The following ENTHD1 variants were observed in gnomAD, a reference collection of about 807,000 sequenced individuals.
ENTHD1 encodes the protein ENTH domain-containing protein 1.
In ENTHD1, 23 loss-of-function variants were observed where a neutral mutation model predicts 39.1. The ratio of observed to expected loss-of-function variants is 0.59; its 90% CI spans 0.42 to 0.83. ENTHD1 has a LOEUF of 0.83. ENTHD1 is among the 40% of genes least tolerant of loss of function. The pLI is 0.00. For missense variants in ENTHD1, 624 were observed against 705.4 expected (o/e 0.88, Z 1.31); for synonymous variants, 230 against 258.2 (o/e 0.89, Z 1.05).
At chr22:39,891,003 CTG>C (rs1213137041) in intron 1 of ENTHD1, among the ~76,000 whole-genome samples, 2 of 152,184 alleles carry the variant, frequency 1.3e-5, no homozygotes, top group African/African-American at 4.8e-5. Flanking sequence ...CATCAAATAA[CTG>C]TGAGATTGTA....
intron 4 of ENTHD1, among the ~76,000 whole-genome samples, chr22:39,824,697 C>T (rs754387525): frequency 3.9e-5 from 6 of 152,126 alleles, no homozygotes; most frequent in Non-Finnish European, 7.4e-5. Flanking sequence ...ATTTCCTTTG[C>T]ACCTTTGTCA....
chr22:39,778,716 C>A (rs1354248377), intron 5 of ENTHD1, among the ~76,000 whole-genome samples: 1 of 152,152 alleles, frequency 6.6e-6, no homozygotes, highest in African/African-American at 2.4e-5. Flanking sequence ...TTGTATGGTC[C>A]TTGTTCTTAC....
chr22:39,768,431 C>T lies in ENTHD1; in HGVS notation c.833-2822G>A, dbSNP rs566512765. Among the ~76,000 whole-genome samples the T allele has an allele frequency of 5.8e-4, 88 of 152,266 alleles. 4 individuals carry two copies. In the South Asian group the frequency reaches 0.018, roughly 31 times the overall value. On this transcript the variant is annotated intron_variant, in intron 5 of 6. Coordinates refer to ENST00000325157, the MANE Select transcript of ENTHD1 (RefSeq NM_152512.4). ...AACACAGGGCTCTTGACCATCACCA[C>T]TGATTCCCCATCCTGGAATACCCTC...
At chr22:39,830,206 G>A (rs1245600007) in intron 4 of ENTHD1, among the ~76,000 whole-genome samples, 2 of 152,138 alleles carry the variant, frequency 1.3e-5, no homozygotes, top group African/African-American at 4.8e-5. Flanking sequence ...CTCCCAAGTA[G>A]CTGGGATTAC....
chr22:39,811,954 G>A (rs2065689944), intron 5 of ENTHD1, among the ~76,000 whole-genome samples: 1 of 151,854 alleles, frequency 6.6e-6, no homozygotes, highest in Non-Finnish European at 1.5e-5. Context: ...ACTCCAGCCT[G>A]GGCGACACAG....
intron 6 of ENTHD1, among the ~76,000 whole-genome samples, chr22:39,757,462 G>A (rs954585966): frequency 4.6e-5 from 7 of 151,692 alleles, no homozygotes; most frequent in African/African-American, 1.2e-4. Context: ...AAAAATTTTC[G>A]GCCAGGTGCA....
At chr22:39,880,716 A>T (rs1349622424) in intron 2 of ENTHD1, among the ~76,000 whole-genome samples, 1 of 152,214 alleles carries the variant, frequency 6.6e-6, no homozygotes, top group Non-Finnish European at 1.5e-5. Context: ...CAGGATAGTG[A>T]TCAGTATTAG....
intron 4 of ENTHD1, among the ~76,000 whole-genome samples, chr22:39,829,184 G>A (rs1373470857): frequency 6.6e-6 from 1 of 152,182 alleles, no homozygotes; most frequent in African/African-American, 2.4e-5. Context: ...AATAAGAAAA[G>A]ATGCTTGTCA....
chr22:39,761,410 G>GT (rs1279928939), intron 6 of ENTHD1, among the ~76,000 whole-genome samples: 2 of 152,074 alleles, frequency 1.3e-5, no homozygotes, highest in Admixed American at 6.5e-5. Flanking sequence ...TAGACATAGT[G>GT]TTTTTTTCTT....
At position 39,744,088 on chromosome 22, in the gene ENTHD1, A is replaced by C; in HGVS notation, c.1415T>G (p.Phe472Cys). The change falls in exon 7 of 7, where the codon TTT becomes TGT. Residue 472 changes from phenylalanine (F) to cysteine (C), a missense_variant. By Grantham distance (205) the Phe-to-Cys change is radical (BLOSUM62 -2). Coordinates refer to ENST00000325157, the MANE Select transcript of ENTHD1 (RefSeq NM_152512.4). ...AGAAGACACTGGGCCCCTAGAAGCA[A>C]AGGAGTGATGCAGCTTGGCTGTCTT... is the stretch of plus-strand genomic sequence containing the variant. ...EDKTAKLHHS[F>C]ASRGPVSSDV... is the part of the protein sequence containing the mutation. 1.2e-6 allele frequency: 2 copies of C among 1,614,120 alleles called. No homozygotes were observed. Among genetic ancestry groups the C allele is most frequent in the Non-Finnish European group, 1.7e-6 (2 of 1,179,986 alleles).
intron 4 of ENTHD1, among the ~76,000 whole-genome samples, chr22:39,825,177 A>C (rs891484894): frequency 2.0e-5 from 3 of 152,360 alleles, no homozygotes; most frequent in African/African-American, 4.8e-5. Context: ...GGATTTATAC[A>C]TAAGTATTTT....
chr22:39,778,880 C>T (rs890718458), intron 5 of ENTHD1, among the ~76,000 whole-genome samples: 3 of 152,096 alleles, frequency 2.0e-5, no homozygotes, highest in East Asian at 1.9e-4. Context: ...TACAAACGTG[C>T]CCAAGAATAC....
intron 6 of ENTHD1, among the ~76,000 whole-genome samples, chr22:39,757,425 C>T (rs1006247738): frequency 4.6e-5 from 7 of 152,020 alleles, no homozygotes; most frequent in Non-Finnish European, 1.0e-4. Context: ...TGTGCACCAC[C>T]ATGCCAGGCT....
chr22:39,875,739 C>T lies in ENTHD1; in HGVS notation c.349+11661G>A, dbSNP rs2066283775. 12 of 1,612,704 alleles carry T rather than the reference C, an allele frequency of 7.4e-6. No individual in the cohort carries two copies. The Admixed American group carries it at 1.0e-4, about 13-fold the overall frequency. ...GCTTCTGCTGATGTGTTGGCCCTGGCGAAAATCGAAATCAAGTTATCCGAT... is the reference window on the plus strand; with the variant it reads ...GCTTCTGCTGATGTGTTGGCCCTGGTGAAAATCGAAATCAAGTTATCCGAT... On this transcript the variant is annotated intron_variant, in intron 2 of 6. Transcript: ENST00000325157.
intron 4 of ENTHD1, among the ~76,000 whole-genome samples, chr22:39,828,290 A>T (rs988014728): frequency 6.6e-6 from 1 of 152,220 alleles, no homozygotes; most frequent in East Asian, 1.9e-4. Context: ...ACACTTTTCA[A>T]TAAGTGCTTT....
At position 39,743,184 on chromosome 22, in the gene ENTHD1, A is replaced by C. The variant is rs1455618046; in HGVS notation, c.*495T>G. 6.6e-6 allele frequency: 1 copy of C among 152,478 alleles called. No homozygotes were observed. Among genetic ancestry groups the C allele is most frequent in the Non-Finnish European group, 1.5e-5 (1 of 68,268 alleles). 9.4% of individuals were successfully genotyped at this position (152,478 alleles called of 1,614,324 possible). On this transcript the variant is annotated 3_prime_UTR_variant, in exon 7 of 7. Coordinates refer to ENST00000325157, the MANE Select transcript of ENTHD1 (RefSeq NM_152512.4). ...CTCCTAACACTAGCATCTGGAAGAA[A>C]GAAAAGATTTCTGGCCCTTGGTTGC...
intron 2 of ENTHD1, among the ~76,000 whole-genome samples, chr22:39,866,084 A>G (rs2146733317): frequency 6.6e-6 from 1 of 152,336 alleles, no homozygotes; most frequent in South Asian, 2.1e-4. Context: ...CATGCCCATC[A>G]CCATGGCCAT....
chr22:39,865,168 T>A (rs1446391699), intron 2 of ENTHD1, among the ~76,000 whole-genome samples: 2 of 152,148 alleles, frequency 1.3e-5, no homozygotes, highest in African/African-American at 2.4e-5. Flanking sequence ...GCTGCAATAG[T>A]TCTAAGAGAC....
At chr22:39,870,855 T>C (rs1234690971) in intron 2 of ENTHD1, among the ~76,000 whole-genome samples, 1 of 152,078 alleles carries the variant, frequency 6.6e-6, no homozygotes, top group Non-Finnish European at 1.5e-5. Flanking sequence ...TAGGGACAAG[T>C]AGAGGGTGAC....
Sources: allele counts gnomAD v4.1 joint callset (sites outside exome capture counted in the v4.1 genomes callset), GRCh38; gene constraint gnomAD v4.1.1; transcripts MANE v1.5; gene names NCBI Gene and HGNC (gene_info 2026-07-23, HGNC 2026-07-21).